The following ARSG variants were observed in gnomAD, a reference collection of about 807,000 sequenced individuals.
ARSG encodes arylsulfatase G.
A neutral mutation model predicts 50.5 loss-of-function variants in ARSG; 37 were observed. The ratio of observed to expected loss-of-function variants is 0.73; its 90% CI spans 0.56 to 0.96. The LOEUF (loss-of-function observed/expected upper bound fraction) is 0.96. ARSG is among the 50% of genes least tolerant of loss of function. The pLI is 0.00. For missense variants in ARSG, 629 were observed against 675.3 expected (o/e 0.93, Z 0.76); for synonymous variants, 225 against 254.6 (o/e 0.88, Z 1.11).
At chr17:68,288,057 T>C (rs1431501211), upstream of ARSG, among the ~76,000 whole-genome samples, 2 of 149,082 alleles carry the variant, frequency 1.3e-5, no homozygotes, top group Non-Finnish European at 3.0e-5. Flanking sequence ...AGCACAGTGG[T>C]GCGATCTCAG....
At position 68,356,729 on chromosome 17, in the gene ARSG, T is replaced by C. The variant is rs1414261250; in HGVS notation, c.629T>C (p.Val210Ala). The stretch of plus-strand genomic sequence containing the variant: ...CCTCTTTATGAAAACCTCAACATTG[T>C]GGAGCAGCCGGTGAACTTGAGCAGC... ...ALPLYENLNI[V>A]EQPVNLSSLA... The change falls in exon 6 of 12, where the codon GTG (valine) becomes GCG (alanine). Residue 210 changes from valine (V) to alanine (A), a missense_variant. Transcript: ENST00000621439. The C allele has an allele frequency of 6.2e-7, 1 of 1,614,174 alleles. No individual in the cohort carries two copies. Among genetic ancestry groups the C allele is most frequent in the East Asian group, 2.2e-5 (1 of 44,878 alleles).
the ARSG span, among the ~76,000 whole-genome samples, chr17:68,435,123 C>T: frequency 2.6e-5 from 4 of 151,462 alleles, no homozygotes; most frequent in Admixed American, 2.6e-4. Context: ...AGGAGAATCA[C>T]TTAAACCTGG....
At chr17:68,297,543 T>G (rs2076249482) in intron 1 of ARSG, among the ~76,000 whole-genome samples, 1 of 152,250 alleles carries the variant, frequency 6.6e-6, no homozygotes, top group Non-Finnish European at 1.5e-5. Context: ...AACAAACAAT[T>G]CTGGCAGATT....
intron 1 of ARSG, chr17:68,283,221 G>A (rs992651410): frequency 8.6e-5 from 13 of 152,024 alleles, no homozygotes; most frequent in African/African-American, 2.9e-4. Flanking sequence ...TTGAGGTCAG[G>A]AATTCAAGAC....
downstream of ARSG, chr17:68,425,997 T>TC: frequency 8.9e-7 from 1 of 1,123,274 alleles, no homozygotes; most frequent in South Asian, 1.3e-5. Flanking sequence ...GGAAAGGGAC[T>TC]CTGCCTCTCG....
intron 4 of ARSG, among the ~76,000 whole-genome samples, chr17:68,349,271 C>T (rs894061530): frequency 6.0e-5 from 9 of 151,082 alleles, no homozygotes; most frequent in Non-Finnish European, 7.4e-5. Flanking sequence ...CCAGCCTAGG[C>T]GACAAAACTG....
At chr17:68,392,952 C>T (rs1374512166) in intron 9 of ARSG, among the ~76,000 whole-genome samples, 1 of 152,236 alleles carries the variant, frequency 6.6e-6, no homozygotes, top group African/African-American at 2.4e-5. Context: ...GGACACCTGT[C>T]CCACACTGTT....
At chr17:68,363,278 A>G (rs1351734194) in intron 6 of ARSG, among the ~76,000 whole-genome samples, 1 of 152,092 alleles carries the variant, frequency 6.6e-6, no homozygotes, top group Non-Finnish European at 1.5e-5. Flanking sequence ...TACTGCTGAG[A>G]GAGGAATAAC....
chr17:68,308,169 G>A, intron 2 of ARSG, among the ~76,000 whole-genome samples: 1 of 152,124 alleles, frequency 6.6e-6, no homozygotes, highest in East Asian at 1.9e-4. Context: ...AGCTAGCGGT[G>A]GTGGCACGCT....
chr17:68,271,133 C>T lies in ARSG; in HGVS notation c.-552+11707C>T, dbSNP rs1555748429. The T allele has an allele frequency of 8.1e-6, 13 of 1,614,148 alleles. No individual in the cohort carries two copies. Among genetic ancestry groups the T allele is most frequent in the Admixed American group, 1.7e-5 (1 of 60,020 alleles). The stretch of plus-strand genomic sequence containing the variant: ...AGGACAAAACCAGCTCCGATCCTTC[C>T]GAAAACTTCTGCAATGGCCATCGTA... On this transcript the variant is annotated intron_variant, in intron 1 of 11. Coordinates refer to the ARSG transcript ENST00000448504. This position sits in a 1 kb window ranked among gnomAD's most constrained non-coding sequence, Gnocchi z 5.3.
chr17:68,436,491 G>A, the ARSG span: 1 of 1,612,350 alleles, frequency 6.2e-7, no homozygotes. Context: ...TGGCAAAGAA[G>A]AAACAGAACA....
downstream of ARSG, chr17:68,426,307 T>C (rs561174004): frequency 3.0e-4 from 216 of 721,296 alleles, 1 homozygote; most frequent in Non-Finnish European, 4.7e-4. Flanking sequence ...CCCCTGGAGG[T>C]ACTGTGCCTA....
chr17:68,285,820 G>A (rs2145169393), intron 1 of ARSG, among the ~76,000 whole-genome samples: 1 of 152,086 alleles, frequency 6.6e-6, no homozygotes, highest in Non-Finnish European at 1.5e-5. Flanking sequence ...GAATGCAGTG[G>A]CATGATTTCG....
chr17:68,403,025 T>C (rs1451633838), intron 11 of ARSG, among the ~76,000 whole-genome samples: 1 of 152,206 alleles, frequency 6.6e-6, no homozygotes, highest in Non-Finnish European at 1.5e-5. Context: ...GCTTTTCAAA[T>C]TATATGATAA....
intron 3 of ARSG, among the ~76,000 whole-genome samples, chr17:68,344,702 A>G (rs1337668294): frequency 6.6e-6 from 1 of 152,242 alleles, no homozygotes; most frequent in Non-Finnish European, 1.5e-5. Context: ...CAGTATTCCC[A>G]GAAGTATCCT....
intron 9 of ARSG, among the ~76,000 whole-genome samples, chr17:68,391,242 C>T (rs1212632957): frequency 1.3e-5 from 2 of 152,042 alleles, no homozygotes; most frequent in Non-Finnish European, 2.9e-5. Flanking sequence ...TGCCAGGGAC[C>T]GTCTCCCTCT....
chr17:68,301,418 A>T (rs78757721), intron 1 of ARSG, among the ~76,000 whole-genome samples: 1 of 152,190 alleles, frequency 6.6e-6, no homozygotes, highest in African/African-American at 2.4e-5. Flanking sequence ...GTGAGGCAAC[A>T]TGTAAGGAAG....
chr17:68,275,281 T>C lies in ARSG; in HGVS notation c.-552+15855T>C, dbSNP rs528024972. 9.2e-5 allele frequency among the ~76,000 whole-genome samples: 14 copies of C among 152,060 alleles called. 1 individual carries two copies. In the South Asian group the frequency reaches 2.9e-3, roughly 31 times the overall value. ...ATTAACTTGACAACAGTGACGTAAG[T>C]GAGCCATTGAGAGTTGGGTCAAGGA... On this transcript the variant is annotated intron_variant, in intron 1 of 11. Coordinates refer to the ARSG transcript ENST00000448504.
intron 1 of ARSG, among the ~76,000 whole-genome samples, chr17:68,302,077 G>A (rs2076439621): frequency 6.6e-6 from 1 of 152,170 alleles, no homozygotes; most frequent in Non-Finnish European, 1.5e-5. Context: ...ATTTACGGCT[G>A]TATGCACTAT....
Sources: allele counts gnomAD v4.1 joint callset (sites outside exome capture counted in the v4.1 genomes callset), GRCh38; gene constraint gnomAD v4.1.1; non-coding constraint Gnocchi (gnomAD v3.1); transcripts MANE v1.5; gene names NCBI Gene and HGNC (gene_info 2026-07-23, HGNC 2026-07-21).